PTPRK: variants seen among roughly 807,000 people sequenced by gnomAD.
The protein encoded by PTPRK is protein tyrosine phosphatase receptor type K.
In PTPRK, 75 loss-of-function variants were observed where a neutral mutation model predicts 178.0. That is an observed-to-expected ratio of 0.42 (90% CI 0.35 to 0.51). The LOEUF (loss-of-function observed/expected upper bound fraction) is 0.51, where lower values mean the gene tolerates loss of function less well. Ranked by LOEUF, PTPRK falls within the 20% of genes least tolerant of loss-of-function variation. The pLI is 0.02. For synonymous variants in PTPRK, 637 were observed against 620.6 expected (o/e 1.03, Z -0.39); for missense variants, 1,441 against 1,797.8 (o/e 0.80, Z 3.59).
rs117440361 is a variant in PTPRK at position 128,237,308 on chromosome 6, G to T, written c.693+2727C>A. Reference sequence around the variant, plus strand: ...TTGGTATTTTACCTGACCATGGCAGGTATAACAACTGTTGTATTATTCCAT... The same window carrying T: ...TTGGTATTTTACCTGACCATGGCAGTTATAACAACTGTTGTATTATTCCAT... On this transcript the variant is annotated intron_variant, in intron 5 of 29. Transcript: ENST00000368226. Among the ~76,000 whole-genome samples the T allele has an allele frequency of 3.6e-3, 544 of 151,962 alleles. 4 individuals carry two copies. Among genetic ancestry groups the T allele is most frequent in the Non-Finnish European group, 6.0e-3 (407 of 68,024 alleles).
intron 7 of PTPRK, among the ~76,000 whole-genome samples, chr6:128,104,887 G>C (rs2114291448): frequency 6.6e-6 from 1 of 152,210 alleles, no homozygotes; most frequent in Non-Finnish European, 1.5e-5. Flanking sequence ...GAGAGGAAAA[G>C]GTCATTGTGA....
At chr6:128,067,199 C>G (rs1008132280) in intron 12 of PTPRK, among the ~76,000 whole-genome samples, 1 of 152,124 alleles carries the variant, frequency 6.6e-6, no homozygotes, top group Non-Finnish European at 1.5e-5. Flanking sequence ...AATGCCTGAT[C>G]GTTACTGAGG....
chr6:128,493,591 T>TACACAC (rs59656384), intron 1 of PTPRK, among the ~76,000 whole-genome samples: 1,872 of 123,954 alleles, frequency 0.015, 63 homozygotes, highest in African/African-American at 0.044. Context: ...TCCCGCCCCC[T>TACACAC]ACACACACAC....
At chr6:128,138,493 C>A (rs1007184599) in intron 7 of PTPRK, among the ~76,000 whole-genome samples, 3 of 152,038 alleles carry the variant, frequency 2.0e-5, no homozygotes, top group Non-Finnish European at 4.4e-5. Context: ...TTCTGCTATA[C>A]CTTAAAGATT....
chr6:128,510,634 C>A (rs1857035255), intron 1 of PTPRK, among the ~76,000 whole-genome samples: 1 of 152,132 alleles, frequency 6.6e-6, no homozygotes, highest in South Asian at 2.1e-4. Context: ...CCTATACATG[C>A]ATACATGTAT....
intron 2 of PTPRK, among the ~76,000 whole-genome samples, chr6:128,355,383 G>GTCTTTTAATTTCCCTTACCT (rs1833813094): frequency 6.6e-6 from 1 of 152,162 alleles, no homozygotes; most frequent in Non-Finnish European, 1.5e-5. Context: ...CATTAAGTCA[G>GTCTTTTAATTTCCCTTACCT]TCTTTTAATT....
At chr6:128,216,921 A>T (rs1340966172) in intron 6 of PTPRK, among the ~76,000 whole-genome samples, 1 of 152,224 alleles carries the variant, frequency 6.6e-6, no homozygotes, top group Non-Finnish European at 1.5e-5. Context: ...TATATAGAAC[A>T]TATATAACTA....
chr6:128,206,309 A>G (rs1440602978), intron 6 of PTPRK, among the ~76,000 whole-genome samples: 1 of 151,576 alleles, frequency 6.6e-6, no homozygotes. Context: ...TCAGAAACAT[A>G]TTATAAGAAT....
chr6:128,310,542 A>G (rs919700666), intron 3 of PTPRK, among the ~76,000 whole-genome samples: 1 of 152,154 alleles, frequency 6.6e-6, no homozygotes, highest in African/African-American at 2.4e-5. Flanking sequence ...TAAATAACTC[A>G]ACTGGCTCCA....
intron 23 of PTPRK, 123 bp from the exon 24 acceptor site, chr6:127,983,103 CTA>C (rs1206470923): frequency 1.5e-6 from 2 of 1,291,464 alleles, no homozygotes; most frequent in Admixed American, 5.4e-5. Context: ...CAATATTTTT[CTA>C]TATGACTCAG....
At chr6:128,378,707 GT>G (rs1259043781) in intron 2 of PTPRK, among the ~76,000 whole-genome samples, 27 of 152,148 alleles carry the variant, frequency 1.8e-4, no homozygotes, top group African/African-American at 6.5e-4. Context: ...AGAATACTAT[GT>G]GAAATATGCC....
At chr6:128,391,161 A>G (rs958880313) in intron 2 of PTPRK, among the ~76,000 whole-genome samples, 1 of 152,318 alleles carries the variant, frequency 6.6e-6, no homozygotes, top group African/African-American at 2.4e-5. Flanking sequence ...AAAAATCTGA[A>G]AATCATTGAA....
At chr6:127,987,802 G>C (rs2114650028) in intron 21 of PTPRK, among the ~76,000 whole-genome samples, 1 of 152,128 alleles carries the variant, frequency 6.6e-6, no homozygotes, top group Middle Eastern at 3.4e-3. Flanking sequence ...CTTTATACTA[G>C]TTTTTTATGA....
intron 1 of PTPRK, among the ~76,000 whole-genome samples, chr6:128,457,779 G>A (rs1028490177): frequency 6.6e-6 from 1 of 152,032 alleles, no homozygotes; most frequent in Non-Finnish European, 1.5e-5. Context: ...TTATATATAG[G>A]TGCACATATG....
chr6:128,078,555 G>A (rs1582889797), intron 11 of PTPRK, among the ~76,000 whole-genome samples: 1 of 151,854 alleles, frequency 6.6e-6, no homozygotes, highest in East Asian at 1.9e-4. Context: ...AGTATAATAA[G>A]GTATTTTGAG....
At chr6:128,148,811 T>C (rs948972018) in intron 7 of PTPRK, among the ~76,000 whole-genome samples, 7 of 152,134 alleles carry the variant, frequency 4.6e-5, no homozygotes, top group Non-Finnish European at 1.0e-4. Flanking sequence ...AAAAATGATA[T>C]GTCCAGCTAC....
intron 13 of PTPRK, among the ~76,000 whole-genome samples, chr6:128,063,711 A>G (rs1037265047): frequency 5.9e-5 from 9 of 152,242 alleles, no homozygotes; most frequent in African/African-American, 2.2e-4. Flanking sequence ...GAATCTTCAT[A>G]AGTGAATTGA....
chr6:128,233,600 T>C (rs1812688127), intron 5 of PTPRK, among the ~76,000 whole-genome samples: 1 of 152,240 alleles, frequency 6.6e-6, no homozygotes. Context: ...TGACATTTCC[T>C]TTGGCTGAGC....
chr6:128,206,202 G>A (rs1479919276), intron 6 of PTPRK, among the ~76,000 whole-genome samples: 1 of 151,668 alleles, frequency 6.6e-6, no homozygotes, highest in Non-Finnish European at 1.5e-5. Context: ...GGGTTTTTAT[G>A]TCAATAATAA....
Sources: gnomAD v4.1 joint callset for allele counts (sites outside exome capture counted in the v4.1 genomes callset) on GRCh38, gnomAD v4.1.1 for gene constraint, MANE v1.5 for transcripts, NCBI Gene and HGNC (gene_info 2026-07-23, HGNC 2026-07-21) for gene names.